The following DYRK1A variants were observed in gnomAD, a reference collection of about 807,000 sequenced individuals.
DYRK1A encodes dual specificity tyrosine phosphorylation regulated kinase 1A.
A neutral mutation model predicts 79.7 loss-of-function variants in DYRK1A; 9 were observed. The ratio of observed to expected loss-of-function variants is 0.11; its 90% confidence interval spans 0.07 to 0.20. DYRK1A has a LOEUF of 0.20. DYRK1A is among the 10% of genes least tolerant of loss of function. The probability of loss-of-function intolerance (pLI) is 1.00; values close to 1 mark genes in which losing one functional copy is unlikely to be tolerated. For synonymous variants in DYRK1A, 349 were observed against 329.7 expected, an observed-to-expected ratio of 1.06 and a Z score of -0.63; for missense variants, 622 against 956.0, an observed-to-expected ratio of 0.65 and a Z score of 4.61.
intron 4 of DYRK1A, 93 bp downstream of exon 4, chr21:37,478,393 C>A: frequency 9.8e-7 from 1 of 1,016,880 alleles, no homozygotes; most frequent in Non-Finnish European, 1.4e-6. Context: ...TTTTTCATTC[C>A]TAGTAGTTGT....
intron 1 of DYRK1A, among the ~76,000 whole-genome samples, chr21:37,371,947 G>A (rs1395941289): frequency 2.6e-5 from 4 of 151,918 alleles, no homozygotes; most frequent in Non-Finnish European, 5.9e-5. Flanking sequence ...TTTTAAAAAA[G>A]CTTTCACAAA....
intron 2 of DYRK1A, among the ~76,000 whole-genome samples, chr21:37,439,068 T>C (rs1601090326): frequency 6.6e-6 from 1 of 152,222 alleles, no homozygotes; most frequent in African/African-American, 2.4e-5. Flanking sequence ...TTTAAATGGC[T>C]TTTAAATTTC....
chr21:37,424,542 T>C (rs907099799), intron 2 of DYRK1A, among the ~76,000 whole-genome samples: 1 of 152,188 alleles, frequency 6.6e-6, no homozygotes, highest in African/African-American at 2.4e-5. Context: ...ATACTCGTGT[T>C]GACTAACATA....
chr21:37,410,563 C>T, intron 1 of DYRK1A: 1 of 152,242 alleles, frequency 6.6e-6, no homozygotes, highest in African/African-American at 2.4e-5. Context: ...TTCACTTTGT[C>T]ACCCAGGCTG....
chr21:37,454,950 G>A (rs1029204511), intron 2 of DYRK1A, among the ~76,000 whole-genome samples: 1 of 151,230 alleles, frequency 6.6e-6, no homozygotes, highest in Admixed American at 6.6e-5. Flanking sequence ...TGAGTGTGCT[G>A]TGCTCAGCCA....
chr21:37,509,395 GT>G (rs2053690187), intron 11 of DYRK1A, among the ~76,000 whole-genome samples: 1 of 152,158 alleles, frequency 6.6e-6, no homozygotes, highest in Non-Finnish European at 1.5e-5. Context: ...GTATCCCGTT[GT>G]TTAGATATTC....
chr21:37,437,230 A>G (rs1006912163), intron 2 of DYRK1A, among the ~76,000 whole-genome samples: 4 of 152,214 alleles, frequency 2.6e-5, no homozygotes, highest in African/African-American at 4.8e-5. Flanking sequence ...GTGGTTCACA[A>G]TGTGTTTTTT....
At chr21:37,415,758 T>C (rs2050326277) in intron 1 of DYRK1A, among the ~76,000 whole-genome samples, 1 of 152,246 alleles carries the variant, frequency 6.6e-6, no homozygotes, top group South Asian at 2.1e-4. Flanking sequence ...TGAGCTGCTG[T>C]GCCTGGCCTA....
chr21:37,368,631 T>C (rs937810393), intron 1 of DYRK1A, among the ~76,000 whole-genome samples: 4 of 152,122 alleles, frequency 2.6e-5, no homozygotes, highest in African/African-American at 9.7e-5. Flanking sequence ...TTTAGGGTTT[T>C]CAGTGGATCG....
intron 7 of DYRK1A, among the ~76,000 whole-genome samples, 194 bp downstream of exon 7, chr21:37,490,655 T>TA (rs2053058430): frequency 6.6e-6 from 1 of 150,988 alleles, no homozygotes; most frequent in African/African-American, 2.4e-5. Context: ...TGTATACCAT[T>TA]TAGAGGCAAT....
chr21:37,496,848 T>A (rs1024577831), intron 9 of DYRK1A, among the ~76,000 whole-genome samples: 7 of 152,210 alleles, frequency 4.6e-5, no homozygotes, highest in Non-Finnish European at 7.4e-5. Context: ...TTGGTTTGTT[T>A]TAGTAATTTT....
chr21:37,420,264 T>G, intron 1 of DYRK1A, 35 bp from the exon 2 acceptor site: 2 of 791,662 alleles, frequency 2.5e-6, no homozygotes, highest in Non-Finnish European at 4.1e-6. Flanking sequence ...TCTTGCATCA[T>G]TATCTCTTAT....
intron 2 of DYRK1A, among the ~76,000 whole-genome samples, chr21:37,434,216 C>T (rs1397484871): frequency 1.3e-5 from 2 of 152,144 alleles, no homozygotes; most frequent in Non-Finnish European, 2.9e-5. Flanking sequence ...TTTACAAATG[C>T]TAGACGTCTT....
intron 1 of DYRK1A, among the ~76,000 whole-genome samples, chr21:37,373,875 A>G (rs1183242569): frequency 6.6e-6 from 1 of 152,218 alleles, no homozygotes; most frequent in African/African-American, 2.4e-5. Flanking sequence ...TTACACTTCA[A>G]AATGTTTTGG....
At position 37,371,690 on chromosome 21, in the gene DYRK1A, A is replaced by T. The variant is rs544645773; in HGVS notation, c.-77+4062A>T. Among the ~76,000 whole-genome samples, 162 of 152,290 alleles carry T rather than the reference A, an allele frequency of 1.1e-3. 5 individuals carry two copies. The South Asian group carries it at 0.034, about 32-fold the overall frequency. On this transcript the variant is annotated intron_variant, in intron 1 of 11. Coordinates refer to ENST00000647188, the MANE Select transcript of DYRK1A (RefSeq NM_001347721.2). ...GGTTTGGGGCAGATGCTCATATCTG[A>T]TACATAGTGAGTAATAGCTTAAAAT...
intron 2 of DYRK1A, among the ~76,000 whole-genome samples, chr21:37,443,363 T>G (rs2051167431): frequency 6.6e-6 from 1 of 152,190 alleles, no homozygotes; most frequent in African/African-American, 2.4e-5. Context: ...AATTCCTGAT[T>G]GGTTTCCATT....
chr21:37,476,502 C>T (rs2052397694), intron 3 of DYRK1A, among the ~76,000 whole-genome samples: 1 of 152,170 alleles, frequency 6.6e-6, no homozygotes, highest in African/African-American at 2.4e-5. Flanking sequence ...TGCACTCCAC[C>T]AGCCCAAGAA....
Position 37,505,987 on chromosome 21 carries a change from GTA to G in DYRK1A, c.1520-110_1520-109del, listed in dbSNP as rs2053583763. 2.4e-5 allele frequency: 30 copies of G among 1,262,742 alleles called. No homozygotes were observed. The South Asian group carries it at 3.1e-4, about 13-fold the overall frequency. The allele number at this position is 1,262,742 out of a possible 1,614,324, so 78.2% of individuals were successfully genotyped here. A position where few individuals can be genotyped will look rare whatever the true frequency, so the allele number is the denominator to read the frequency against. On this transcript the variant is annotated intron_variant, in intron 10 of 11. Coordinates refer to ENST00000647188, the MANE Select transcript of DYRK1A (RefSeq NM_001347721.2). The stretch of plus-strand genomic sequence containing the variant: ...CTTTCAAGTTAATATTAGAGATTTT[GTA>G]TGTGTGTGTGTGAGTACTTTCAGTT...
intron 1 of DYRK1A, among the ~76,000 whole-genome samples, chr21:37,381,366 A>G (rs71332576): frequency 0.042 from 6,370 of 152,310 alleles, 185 homozygotes; most frequent in Middle Eastern, 0.092. Context: ...ACAAATGCAC[A>G]TGAAATGCCT....
Sources: gnomAD v4.1 joint callset for allele counts (sites outside exome capture counted in the v4.1 genomes callset) on GRCh38, gnomAD v4.1.1 for gene constraint, MANE v1.5 for transcripts, NCBI Gene and HGNC (gene_info 2026-07-23, HGNC 2026-07-21) for gene names.